Variants in COLGALT1 observed in about 807,000 individuals in gnomAD.
COLGALT1 encodes the protein collagen beta(1-O)galactosyltransferase 1, also known as procollagen galactosyltransferase 1.
In COLGALT1, 43 loss-of-function variants were observed where a neutral mutation model predicts 60.8. The observed-to-expected ratio is 0.71, with a 90% CI of 0.55 to 0.91. The LOEUF is 0.91. Ranked by LOEUF, COLGALT1 falls within the 40% of genes least tolerant of loss-of-function variation. The probability of loss-of-function intolerance (pLI) is 0.00; values close to 1 mark genes in which losing one functional copy is unlikely to be tolerated. For synonymous variants in COLGALT1, 369 were observed against 374.2 expected (o/e 0.99, Z 0.16); for missense variants, 845 against 880.0 (o/e 0.96, Z 0.50).
intron 5 of COLGALT1, 140 bp from the exon 6 acceptor site, chr19:17,572,343 T>C (rs2076317770): frequency 1.6e-6 from 2 of 1,213,434 alleles, no homozygotes; most frequent in Non-Finnish European, 2.3e-6. Flanking sequence ...AAGGTCTTGC[T>C]CTGTTGCCCA....
At chr19:17,558,469 G>A (rs1296852503) in intron 1 of COLGALT1, among the ~76,000 whole-genome samples, 2 of 149,702 alleles carry the variant, frequency 1.3e-5, no homozygotes, top group African/African-American at 4.9e-5. Flanking sequence ...CCTGAGGTCA[G>A]GAGTTCGAGA....
At chr19:17,563,660 T>G (rs2076262699) in intron 3 of COLGALT1, among the ~76,000 whole-genome samples, 1 of 152,062 alleles carries the variant, frequency 6.6e-6, no homozygotes, top group Non-Finnish European at 1.5e-5. Context: ...GACTAATTTT[T>G]TTTGTATTTT....
At position 17,578,090 on chromosome 19, in the gene COLGALT1, G is replaced by GT. The variant is rs747708702; in HGVS notation, c.1266+2dup. ...GAGCCACTACAACATCTGGAAGGAGGTGTGTCCTGAGTGATGGGCGGGGCC... is the reference window on the plus strand; with the variant it reads ...GAGCCACTACAACATCTGGAAGGAGGTTGTGTCCTGAGTGATGGGCGGGGCC... On this transcript the variant is annotated splice_donor_variant, in intron 9 of 11. Transcript: ENST00000252599. LOFTEE classifies it high-confidence loss of function. The GT allele has an allele frequency of 6.2e-7, 1 of 1,603,438 alleles. No individual in the cohort carries two copies. The highest frequency in any genetic ancestry group is 1.3e-5 in the African/African-American group (1 of 74,806).
intron 6 of COLGALT1, among the ~76,000 whole-genome samples, chr19:17,573,815 A>C (rs2076325872): frequency 6.6e-6 from 1 of 150,474 alleles, no homozygotes; most frequent in Non-Finnish European, 1.5e-5. Flanking sequence ...TGTCTTTACC[A>C]AAAAAAAATA....
chr19:17,567,145 T>C (rs1395750360), intron 3 of COLGALT1, among the ~76,000 whole-genome samples: 2 of 152,106 alleles, frequency 1.3e-5, no homozygotes, highest in Non-Finnish European at 2.9e-5. Flanking sequence ...ACCTTCTTGC[T>C]CATTGGTTGT....
chr19:17,557,425 C>T (rs1022499290), intron 1 of COLGALT1, among the ~76,000 whole-genome samples: 2 of 150,940 alleles, frequency 1.3e-5, no homozygotes, highest in East Asian at 2.0e-4. Flanking sequence ...CTCAGCCTCC[C>T]GAGTAGCTTG....
Position 17,558,040 on chromosome 19 carries a change from C to T in COLGALT1, c.261-1271C>T, listed in dbSNP as rs1029860738. Among the ~76,000 whole-genome samples, 17 of 151,684 alleles carry T rather than the reference C, an allele frequency of 1.1e-4. No homozygotes were observed. The East Asian group carries it at 1.2e-3, about 11-fold the overall frequency. On this transcript the variant is annotated intron_variant, in intron 1 of 11. Coordinates refer to ENST00000252599, the MANE Select transcript of COLGALT1 (RefSeq NM_024656.4). ...GCAACCTCCTCCTCCCAGGTTCAAG[C>T]GATTCTCCTGCCTCGGCCTCCTGAG...
At position 17,581,424 on chromosome 19, in the gene COLGALT1, G is replaced by A. The variant is rs1049812266; in HGVS notation, c.1849G>A (p.Ala617Thr). 6.2e-7 allele frequency: 1 copy of A among 1,609,622 alleles called. No homozygotes were observed. The highest frequency in any genetic ancestry group is 8.5e-7 in the Non-Finnish European group (1 of 1,179,734). ...SDVLQSPLDS[A>T]ARDEL Reference sequence around the variant, plus strand: ...CGTGCTCCAGTCCCCACTGGACAGTGCTGCCCGGGATGAACTCTGAGGGGT... The same window carrying A: ...CGTGCTCCAGTCCCCACTGGACAGTACTGCCCGGGATGAACTCTGAGGGGT... The change falls in exon 12 of 12, where the codon GCT becomes ACT. Residue 617 changes from alanine (A) to threonine (T), a missense_variant. Ala to Thr is a moderately conservative substitution (Grantham distance 58, BLOSUM62 0). Coordinates refer to ENST00000252599, the MANE Select transcript of COLGALT1 (RefSeq NM_024656.4).
rs2076352072 is a variant in COLGALT1 at position 17,577,546 on chromosome 19, A to G, written c.1133+79A>G. The G allele has an allele frequency of 3.9e-6, 5 of 1,277,608 alleles. No homozygotes were observed. In the East Asian group the frequency reaches 1.3e-4, roughly 33 times the overall value. 79.1% of individuals were successfully genotyped at this position (1,277,608 alleles called of 1,614,324 possible). A position where few individuals can be genotyped will look rare whatever the true frequency, so the allele number is the denominator to read the frequency against. On this transcript the variant is annotated intron_variant, in intron 8 of 11. Transcript: ENST00000252599. ...AGACCTCGCTGGTAGACGGCAAGTG[A>G]TTCAGATGGGGGCGGGCGTGGTGTC...
At chr19:17,558,979 T>C (rs1203917034) in intron 1 of COLGALT1, among the ~76,000 whole-genome samples, 3 of 151,690 alleles carry the variant, frequency 2.0e-5, no homozygotes, top group Non-Finnish European at 4.4e-5. Flanking sequence ...GCCAACATGG[T>C]GAAACCCCGT....
In COLGALT1 at chr19:17,582,519, C is replaced by G. The variant is rs2076390531; in HGVS notation, c.*1075C>G. On this transcript the variant is annotated 3_prime_UTR_variant, in exon 12 of 12. Transcript: ENST00000252599. The stretch of plus-strand genomic sequence containing the variant: ...GCACTAGTGATACAAAAGAGTGTGA[C>G]AGTTGTTCAGTCTGCATTTTCGATC... The G allele has an allele frequency of 6.6e-6, 1 of 152,228 alleles. No homozygotes were observed. The highest frequency in any genetic ancestry group is 1.5e-5 in the Non-Finnish European group (1 of 68,050). 9.4% of individuals were successfully genotyped at this position (152,228 alleles called of 1,614,324 possible).
At chr19:17,566,030 C>T (rs1056183649) in intron 3 of COLGALT1, 3 of 152,024 alleles carry the variant, frequency 2.0e-5, no homozygotes, top group African/African-American at 4.8e-5. Context: ...AACGATACTG[C>T]CTGGGTAACA....
intron 1 of COLGALT1, 34 bp downstream of exon 1, chr19:17,556,007 C>A: frequency 7.8e-7 from 1 of 1,289,240 alleles, no homozygotes; most frequent in South Asian, 2.2e-5. Context: ...TCAGGCGGGT[C>A]ACGCGAGCCC....
At chr19:17,576,785 C>T (rs1467792357) in intron 6 of COLGALT1, among the ~76,000 whole-genome samples, 2 of 120,954 alleles carry the variant, frequency 1.7e-5, no homozygotes, top group African/African-American at 6.6e-5. Flanking sequence ...GTGGCCAGGG[C>T]TGAGTGGTGC....
intron 1 of COLGALT1, among the ~76,000 whole-genome samples, chr19:17,557,987 G>C (rs1043710113): frequency 8.6e-5 from 13 of 151,984 alleles, no homozygotes; most frequent in Admixed American, 3.9e-4. Context: ...GCTGAGGCTG[G>C]AGTGCAGTGG....
At chr19:17,572,769 C>T (rs1397189357) in intron 6 of COLGALT1, among the ~76,000 whole-genome samples, 167 bp downstream of exon 6, 3 of 152,202 alleles carry the variant, frequency 2.0e-5, no homozygotes, top group Non-Finnish European at 4.4e-5. Flanking sequence ...TGTGTCTGCT[C>T]TCACAGAGTG....
intron 1 of COLGALT1, among the ~76,000 whole-genome samples, chr19:17,558,411 C>T (rs1216574282): frequency 2.0e-5 from 3 of 149,312 alleles, no homozygotes; most frequent in Non-Finnish European, 3.0e-5. Flanking sequence ...TGTGCGGTGG[C>T]TCATTCCTGT....
chr19:17,561,631 CAAAAAAAAAAAAAAAA>C (rs11332403), intron 3 of COLGALT1, among the ~76,000 whole-genome samples: 1 of 72,732 alleles, frequency 1.4e-5, no homozygotes, highest in Admixed American at 1.6e-4. Context: ...GACTCTGTCT[CAAAAAAAAAAAAAAAA>C]AAAAAAAAAC....
At chr19:17,560,528 G>T in intron 3 of COLGALT1, 63 bp downstream of exon 3, 2 of 1,325,542 alleles carry the variant, frequency 1.5e-6, no homozygotes, top group East Asian at 2.3e-5. Context: ...AGGGAAGGCG[G>T]AGCAGCAGGA....
Sources: allele counts gnomAD v4.1 joint callset (sites outside exome capture counted in the v4.1 genomes callset), GRCh38; gene constraint gnomAD v4.1.1; transcripts MANE v1.5; gene names NCBI Gene and HGNC (gene_info 2026-07-23, HGNC 2026-07-21).